MKX: variants seen among roughly 807,000 people sequenced by gnomAD.
MKX encodes homeobox protein Mohawk.
MKX carries 13 observed loss-of-function variants against 36.0 expected under a neutral mutation model. That is an observed-to-expected ratio of 0.36 (90% CI 0.24 to 0.57). The LOEUF (loss-of-function observed/expected upper bound fraction) is 0.57, where lower values mean the gene tolerates loss of function less well. Ranked by LOEUF, MKX falls within the 20% of genes least tolerant of loss-of-function variation. The pLI is 0.79. For synonymous variants in MKX, 176 were observed against 178.3 expected (o/e 0.99, Z 0.10); for missense variants, 458 against 456.4 (o/e 1.00, Z -0.03).
rs570624152 is a variant in MKX, at chr10:27,708,223, G to A, written c.838+26233C>T. 1.2e-4 allele frequency among the ~76,000 whole-genome samples: 18 copies of A among 152,232 alleles called. 1 individual carries two copies. In the South Asian group the frequency reaches 2.9e-3, roughly 25 times the overall value. ...ATGCTGGCCGTAGAGAACTCAGAGC[G>A]ACAACTGGTGCATCCTGGCAAGTAT... On this transcript the variant is annotated intron_variant, in intron 5 of 6. Transcript: ENST00000419761.
At chr10:27,731,784 A>T (rs2132635237) in intron 5 of MKX, among the ~76,000 whole-genome samples, 1 of 152,314 alleles carries the variant, frequency 6.6e-6, no homozygotes, top group Admixed American at 6.5e-5. Flanking sequence ...GAAAAGAATC[A>T]ACTCTACAGG....
chr10:27,701,890 A>G (rs1836665549), intron 5 of MKX, among the ~76,000 whole-genome samples: 1 of 151,270 alleles, frequency 6.6e-6, no homozygotes, highest in Non-Finnish European at 1.5e-5. Flanking sequence ...GTATATATAT[A>G]CACACACAAA....
chr10:27,696,885 C>G (rs1162028594), intron 5 of MKX, among the ~76,000 whole-genome samples: 1 of 152,126 alleles, frequency 6.6e-6, no homozygotes, highest in East Asian at 1.9e-4. Context: ...TAGGTGACAC[C>G]TTTGGAAATT....
intron 5 of MKX, among the ~76,000 whole-genome samples, chr10:27,691,965 C>A (rs1012499895): frequency 6.6e-6 from 1 of 152,114 alleles, no homozygotes; most frequent in Non-Finnish European, 1.5e-5. Flanking sequence ...TGATGGACAT[C>A]TGGGTTATTT....
intron 5 of MKX, among the ~76,000 whole-genome samples, chr10:27,728,377 A>G (rs1388528866): frequency 6.6e-6 from 1 of 152,252 alleles, no homozygotes; most frequent in East Asian, 1.9e-4. Flanking sequence ...AATGAAGGAA[A>G]CAGATATTGT....
intron 5 of MKX, among the ~76,000 whole-genome samples, chr10:27,693,297 C>T (rs1336338625): frequency 6.6e-6 from 1 of 152,060 alleles, no homozygotes; most frequent in African/African-American, 2.4e-5. Context: ...AGGTCTAAAA[C>T]AATAAGGATC....
At chr10:27,680,383 A>AAAAAAAAG (rs1554768913) in intron 5 of MKX, among the ~76,000 whole-genome samples, 6 of 143,138 alleles carry the variant, frequency 4.2e-5, no homozygotes, top group Admixed American at 7.0e-5. Context: ...AAAAAAAAAA[A>AAAAAAAAG]AGGTGTGTAG....
chr10:27,701,857 G>A (rs1347347101), intron 5 of MKX, among the ~76,000 whole-genome samples: 1 of 147,412 alleles, frequency 6.8e-6, no homozygotes, highest in Non-Finnish European at 1.5e-5. Context: ...ACACAAAGAA[G>A]GAATGTTTTC....
chr10:27,701,267 T>C (rs1836646306), intron 5 of MKX, among the ~76,000 whole-genome samples: 1 of 72,770 alleles, frequency 1.4e-5, no homozygotes, highest in Admixed American at 1.6e-4. Flanking sequence ...CAAAGGACTT[T>C]CCCTCTAAAG....
At chr10:27,721,521 A>G (rs1425921339) in intron 5 of MKX, among the ~76,000 whole-genome samples, 2 of 152,224 alleles carry the variant, frequency 1.3e-5, no homozygotes, top group African/African-American at 4.8e-5. Flanking sequence ...AAACTAATGC[A>G]GGAACAGAAA....
intron 3 of MKX, among the ~76,000 whole-genome samples, chr10:27,737,461 A>G (rs1834804794): frequency 6.6e-6 from 1 of 152,128 alleles, no homozygotes; most frequent in Admixed American, 6.5e-5. Context: ...TGCCAAAAAC[A>G]TGCTGTGTGA....
At chr10:27,676,865 T>G (rs539013815) in intron 5 of MKX, among the ~76,000 whole-genome samples, 23 of 152,338 alleles carry the variant, frequency 1.5e-4, no homozygotes, top group African/African-American at 5.3e-4. Flanking sequence ...AAAGTTAGGA[T>G]GCTAGCTTTT....
At chr10:27,720,937 G>C (rs1413636405) in intron 5 of MKX, among the ~76,000 whole-genome samples, 1 of 152,044 alleles carries the variant, frequency 6.6e-6, no homozygotes, top group Non-Finnish European at 1.5e-5. Context: ...ATCCATTATA[G>C]CTATTATTGA....
intron 5 of MKX, among the ~76,000 whole-genome samples, chr10:27,727,069 G>A (rs1053771454): frequency 1.3e-5 from 2 of 152,102 alleles, no homozygotes; most frequent in African/African-American, 2.4e-5. Context: ...ACTGCATTTC[G>A]GAAAACAATT....
At chr10:27,731,117 G>A (rs1231584644) in intron 5 of MKX, among the ~76,000 whole-genome samples, 3 of 131,014 alleles carry the variant, frequency 2.3e-5, no homozygotes, top group Admixed American at 8.7e-5. Flanking sequence ...CTGAGCGACA[G>A]AGCAAGACTC....
chr10:27,737,908 T>C (rs1834813404), intron 3 of MKX, among the ~76,000 whole-genome samples: 1 of 152,118 alleles, frequency 6.6e-6, no homozygotes, highest in Non-Finnish European at 1.5e-5. Flanking sequence ...GCAATGGCCT[T>C]CTAATTTTTT....
intron 5 of MKX, among the ~76,000 whole-genome samples, chr10:27,700,897 T>A (rs1031599708): frequency 4.6e-5 from 7 of 152,188 alleles, no homozygotes; most frequent in Non-Finnish European, 1.0e-4. Context: ...ATTAACACAT[T>A]GTCTTCCCTG....
At chr10:27,683,772 G>T (rs554656375) in intron 5 of MKX, among the ~76,000 whole-genome samples, 4 of 152,322 alleles carry the variant, frequency 2.6e-5, no homozygotes, top group East Asian at 1.9e-4. Context: ...AACAACTGAG[G>T]ATAAGAACAA....
intron 5 of MKX, among the ~76,000 whole-genome samples, chr10:27,730,640 T>C (rs1834603916): frequency 1.3e-5 from 2 of 151,780 alleles, no homozygotes; most frequent in African/African-American, 2.4e-5. Flanking sequence ...GTATTATTAG[T>C]GGAGACGGTG....
Sources: allele counts gnomAD v4.1 joint callset (sites outside exome capture counted in the v4.1 genomes callset), GRCh38; gene constraint gnomAD v4.1.1; transcripts MANE v1.5; gene names NCBI Gene and HGNC (gene_info 2026-07-23, HGNC 2026-07-21).